CDK5RAP1: variants seen among roughly 807,000 people sequenced by gnomAD.
CDK5RAP1 encodes the protein CDK5RAP1 mitochondrial tRNA methylthiotransferase.
Under a neutral mutation model 64.5 loss-of-function variants are expected in CDK5RAP1, and 62 were observed. That is an observed-to-expected ratio of 0.96 (90% CI 0.78 to 1.19). The LOEUF is 1.19. Ranked by LOEUF, CDK5RAP1 falls within the 50% of genes most tolerant of loss-of-function variation. The pLI, the probability that CDK5RAP1 is intolerant of heterozygous loss-of-function variation, is 0.00. For synonymous variants in CDK5RAP1, 250 were observed against 261.9 expected (o/e 0.95, Z 0.44); for missense variants, 657 against 735.0 (o/e 0.89, Z 1.23).
At chr20:33,390,564 G>A (rs1046873507) in intron 5 of CDK5RAP1, among the ~76,000 whole-genome samples, 3 of 152,112 alleles carry the variant, frequency 2.0e-5, no homozygotes, top group African/African-American at 7.2e-5. Flanking sequence ...GCAAAACAAT[G>A]TGAATATACT....
intron 12 of CDK5RAP1, among the ~76,000 whole-genome samples, chr20:33,362,939 C>T (rs1192142814): frequency 6.6e-6 from 1 of 152,190 alleles, no homozygotes; most frequent in African/African-American, 2.4e-5. Flanking sequence ...TTTAGAGGCT[C>T]TACTATTCCC....
At chr20:33,362,255 A>T (rs1298407293) in intron 12 of CDK5RAP1, among the ~76,000 whole-genome samples, 13 of 152,220 alleles carry the variant, frequency 8.5e-5, no homozygotes. Flanking sequence ...ACAGTGATAA[A>T]GCAAAATCTT....
In CDK5RAP1 at chr20:33,387,339, C is replaced by T; in HGVS notation, c.739G>A (p.Ala247Thr). Residue 247 changes from alanine (A) to threonine (T), a missense_variant, in exon 6 of 14, where the codon GCC becomes ACC. By Grantham distance (58) the Ala-to-Thr change is moderately conservative (BLOSUM62 0). Coordinates refer to ENST00000346416, the MANE Select transcript of CDK5RAP1 (RefSeq NM_016408.4). ...GTGACTCACACAAAGGCAGACGTGG[C>T]ACTGGCGCTTGTCTGGACTGGCATG... ...DVMPVQTSAS[A>T]TSAFVSIMRG... 1 of 1,613,544 alleles carries T rather than the reference C, an allele frequency of 6.2e-7. No homozygotes were observed. Among genetic ancestry groups the T allele is most frequent in the Non-Finnish European group, 8.5e-7 (1 of 1,179,698 alleles).
In CDK5RAP1 at chr20:33,359,065, C is replaced by T. The variant is rs1326348008; in HGVS notation, c.1742G>A (p.Arg581Lys). 1 of 1,613,668 alleles carries T rather than the reference C, an allele frequency of 6.2e-7. No individual in the cohort carries two copies. Among genetic ancestry groups the T allele is most frequent in the African/African-American group, 1.3e-5 (1 of 74,884 alleles). ...RGHVLCRTTL[R>K]DSSAYC Reference sequence around the variant, plus strand: ...AGGTCAGCAATATGCAGAAGAGTCCCTCAGAGTGGTCCTGCAGAGAACATG... The same window carrying T: ...AGGTCAGCAATATGCAGAAGAGTCCTTCAGAGTGGTCCTGCAGAGAACATG... The change falls in exon 14 of 14, where the codon AGG becomes AAG. Residue 581 changes from arginine to lysine, a missense_variant. Arg to Lys is a conservative substitution (Grantham distance 26, BLOSUM62 2). Coordinates refer to ENST00000346416, the MANE Select transcript of CDK5RAP1 (RefSeq NM_016408.4).
At chr20:33,371,702 G>A (rs1274416482) in intron 10 of CDK5RAP1, among the ~76,000 whole-genome samples, 1 of 152,072 alleles carries the variant, frequency 6.6e-6, no homozygotes, top group Non-Finnish European at 1.5e-5. Context: ...AGAATCGCTT[G>A]AACCTGGCAG....
chr20:33,382,315 G>A (rs748115406), intron 7 of CDK5RAP1, among the ~76,000 whole-genome samples: 3 of 152,262 alleles, frequency 2.0e-5, no homozygotes, highest in Non-Finnish European at 4.4e-5. Flanking sequence ...GGGGAACTCC[G>A]AATAAGGATG....
At chr20:33,393,302 G>A (rs182575339) in intron 4 of CDK5RAP1, among the ~76,000 whole-genome samples, 4 of 152,164 alleles carry the variant, frequency 2.6e-5, no homozygotes, top group Admixed American at 2.6e-4. Flanking sequence ...CGGACTCCAA[G>A]AGTGCTGGGA....
At chr20:33,374,279 G>A (rs533590655) in intron 8 of CDK5RAP1, 67 bp from the exon 9 acceptor site, 48 of 996,686 alleles carry the variant, frequency 4.8e-5, no homozygotes, top group South Asian at 3.0e-4. Context: ...AAGCAATACC[G>A]CTCTTACTAT....
chr20:33,379,606 G>C lies in CDK5RAP1; in HGVS notation c.962C>G (p.Thr321Ser). The C allele has an allele frequency of 6.2e-7, 1 of 1,614,026 alleles. No homozygotes were observed. The highest frequency in any genetic ancestry group is 8.5e-7 in the Non-Finnish European group (1 of 1,179,940). ...SEVQFNSAVP[T>S]NLSRGFTTNY... ...GGTGGTAAAGCCACGACTGAGATTG[G>C]TAGGCACTGCACTGTTGAACTGGAC... is the stretch of plus-strand genomic sequence containing the variant. Residue 321 changes from threonine to serine, a missense_variant, in exon 8 of 14, where the codon ACC (threonine) becomes AGC (serine). Thr to Ser is a moderately conservative substitution (Grantham distance 58, BLOSUM62 1). Transcript: ENST00000346416.
Position 33,358,991 on chromosome 20 carries a change from C to T in CDK5RAP1, c.*52G>A, listed in dbSNP as rs1043029939. On this transcript the variant is annotated 3_prime_UTR_variant, in exon 14 of 14. Coordinates refer to ENST00000346416, the MANE Select transcript of CDK5RAP1 (RefSeq NM_016408.4). ...TTCCTCAGTGGCAGGCAATGTCTCC[C>T]CTTCCTGTTGGGGAGGATTGCCCAA... 6.8e-6 allele frequency: 9 copies of T among 1,331,878 alleles called. No individual in the cohort carries two copies. Among genetic ancestry groups the T allele is most frequent in the South Asian group, 4.8e-5 (4 of 83,734 alleles). 82.5% of individuals were successfully genotyped at this position (1,331,878 alleles called of 1,614,324 possible).
chr20:33,401,523 C>T (rs575730951), upstream of CDK5RAP1: 60 of 985,338 alleles, frequency 6.1e-5, no homozygotes, highest in African/African-American at 9.9e-4. Flanking sequence ...CATACACAAG[C>T]GACTTCCGTT....
intron 6 of CDK5RAP1, among the ~76,000 whole-genome samples, chr20:33,386,312 T>C (rs936852016): frequency 6.6e-6 from 1 of 152,202 alleles, no homozygotes; most frequent in African/African-American, 2.4e-5. Flanking sequence ...TCCACCCACC[T>C]CAGCCTCCCA....
At chr20:33,392,087 A>C (rs1045450926) in intron 5 of CDK5RAP1, 55 bp downstream of exon 5, 3 of 1,080,092 alleles carry the variant, frequency 2.8e-6, no homozygotes, top group Non-Finnish European at 2.8e-6. Flanking sequence ...CTAGCAAATA[A>C]AGCCACATAA....
At chr20:33,376,471 T>G (rs1986008000) in intron 8 of CDK5RAP1, among the ~76,000 whole-genome samples, 1 of 152,170 alleles carries the variant, frequency 6.6e-6, no homozygotes, top group Non-Finnish European at 1.5e-5. Flanking sequence ...ACTGAATATT[T>G]TAAGCTCACT....
intron 5 of CDK5RAP1, among the ~76,000 whole-genome samples, chr20:33,388,040 C>T (rs1466097466): frequency 7.3e-5 from 11 of 151,532 alleles, no homozygotes; most frequent in South Asian, 6.3e-4. Flanking sequence ...TGTACTCCAG[C>T]CTGGGCAACA....
At chr20:33,374,963 A>G (rs1985740892) in intron 8 of CDK5RAP1, among the ~76,000 whole-genome samples, 1 of 151,162 alleles carries the variant, frequency 6.6e-6, no homozygotes, top group Non-Finnish European at 1.5e-5. Flanking sequence ...CCAAGACTTC[A>G]AGACCAGCCT....
At chr20:33,362,090 C>T (rs1031464512) in intron 12 of CDK5RAP1, among the ~76,000 whole-genome samples, 1 of 151,342 alleles carries the variant, frequency 6.6e-6, no homozygotes, top group Non-Finnish European at 1.5e-5. Context: ...GAAGAGGAAG[C>T]GGAGCAAAAA....
intron 11 of CDK5RAP1, among the ~76,000 whole-genome samples, chr20:33,367,274 CG>C (rs1409987240): frequency 3.3e-5 from 5 of 152,252 alleles, no homozygotes; most frequent in Admixed American, 2.6e-4. Context: ...TTTATCCTAA[CG>C]TTACACTTGT....
chr20:33,376,749 T>C (rs1007012728), intron 8 of CDK5RAP1, among the ~76,000 whole-genome samples: 2 of 152,228 alleles, frequency 1.3e-5, no homozygotes, highest in Non-Finnish European at 2.9e-5. Context: ...CTGTCGTAGA[T>C]AGTGACTTTT....
Sources: gnomAD v4.1 joint callset for allele counts (sites outside exome capture counted in the v4.1 genomes callset) on GRCh38, gnomAD v4.1.1 for gene constraint, MANE v1.5 for transcripts, NCBI Gene and HGNC (gene_info 2026-07-23, HGNC 2026-07-21) for gene names.